The following TMEM163 variants were observed in gnomAD, a reference collection of about 807,000 sequenced individuals.
TMEM163 encodes the protein transmembrane protein 163.
TMEM163 carries 17 observed loss-of-function variants against 29.3 expected under a neutral mutation model. The ratio of observed to expected loss-of-function variants is 0.58; its 90% CI spans 0.40 to 0.87. The LOEUF is 0.87. TMEM163 is among the 40% of genes least tolerant of loss of function. TMEM163 has a pLI of 0.00. For missense variants in TMEM163, 303 were observed against 381.5 expected, an observed-to-expected ratio of 0.79 and a Z score of 1.71; for synonymous variants, 157 against 160.6, an observed-to-expected ratio of 0.98 and a Z score of 0.17.
intron 5 of TMEM163, among the ~76,000 whole-genome samples, chr2:134,470,624 C>T (rs899712450): frequency 2.0e-5 from 3 of 152,168 alleles, no homozygotes; most frequent in African/African-American, 4.8e-5. Context: ...GGCTGCAGCT[C>T]ACCACTGCTG....
At chr2:134,657,054 C>CT (rs949751592) in intron 2 of TMEM163, among the ~76,000 whole-genome samples, 29 of 150,828 alleles carry the variant, frequency 1.9e-4, no homozygotes, top group African/African-American at 6.7e-4. Context: ...CCTGTAAGAA[C>CT]TTTTTTTGTT....
intron 4 of TMEM163, among the ~76,000 whole-genome samples, chr2:134,528,685 G>A (rs1343065423): frequency 6.6e-6 from 1 of 152,206 alleles, no homozygotes; most frequent in Non-Finnish European, 1.5e-5. Context: ...TTTTAAAAAT[G>A]AAAACAGCCA....
intron 2 of TMEM163, among the ~76,000 whole-genome samples, chr2:134,552,346 T>C (rs1680948453): frequency 6.6e-6 from 1 of 152,206 alleles, no homozygotes; most frequent in African/African-American, 2.4e-5. Flanking sequence ...ATAAAATTGC[T>C]TCAACAGCTG....
At chr2:134,563,670 G>T (rs1157941113) in intron 2 of TMEM163, among the ~76,000 whole-genome samples, 1 of 152,188 alleles carries the variant, frequency 6.6e-6, no homozygotes, top group African/African-American at 2.4e-5. Context: ...TGGACTGGAA[G>T]CCTCACTGTG....
intron 2 of TMEM163, among the ~76,000 whole-genome samples, chr2:134,573,035 C>T (rs1445520504): frequency 6.6e-6 from 1 of 152,154 alleles, no homozygotes; most frequent in African/African-American, 2.4e-5. Context: ...CGAGGGATCT[C>T]CCACACCCTG....
At chr2:134,700,064 C>A (rs1040024552) in intron 2 of TMEM163, among the ~76,000 whole-genome samples, 8 of 152,100 alleles carry the variant, frequency 5.3e-5, no homozygotes, top group Non-Finnish European at 8.8e-5. Context: ...CTATCTCTGA[C>A]TTTTACCTGA....
intron 2 of TMEM163, among the ~76,000 whole-genome samples, chr2:134,684,452 G>C (rs1187551842): frequency 6.6e-6 from 1 of 152,032 alleles, no homozygotes; most frequent in East Asian, 1.9e-4. Context: ...AGGAGCTGAA[G>C]GTTTCTCCAA....
chr2:134,486,623 A>G (rs896056933), intron 5 of TMEM163, among the ~76,000 whole-genome samples: 9 of 152,370 alleles, frequency 5.9e-5, no homozygotes, highest in Middle Eastern at 3.4e-3. Context: ...TTGGATCTTC[A>G]AAAAGTAACA....
intron 2 of TMEM163, among the ~76,000 whole-genome samples, chr2:134,697,779 G>A (rs1684613833): frequency 2.0e-5 from 3 of 151,858 alleles, no homozygotes; most frequent in Admixed American, 2.0e-4. Flanking sequence ...TGGTGAGCAT[G>A]TTCATTTATT....
chr2:134,682,971 C>T (rs745736699), intron 2 of TMEM163, among the ~76,000 whole-genome samples: 2 of 152,176 alleles, frequency 1.3e-5, no homozygotes, highest in African/African-American at 2.4e-5. Context: ...GGAAAAGACA[C>T]GGAGGAACCG....
rs539249761 is a variant in TMEM163, at chr2:134,601,445, C to T, written c.323-49354G>A. On this transcript the variant is annotated intron_variant, in intron 2 of 7. Coordinates refer to ENST00000281924, the MANE Select transcript of TMEM163 (RefSeq NM_030923.5). ...TAAGAGCAGCAGGAGAAGGCAAGGCCGGAGCCCCGGAAGCCAGTGAGGTGG... is the reference window on the plus strand; with the variant it reads ...TAAGAGCAGCAGGAGAAGGCAAGGCTGGAGCCCCGGAAGCCAGTGAGGTGG... Among the ~76,000 whole-genome samples, 4 of 152,346 alleles carry T rather than the reference C, an allele frequency of 2.6e-5. No individual in the cohort carries two copies. The East Asian group carries it at 7.7e-4, about 29-fold the overall frequency.
At chr2:134,503,682 G>C (rs1558925483) in intron 4 of TMEM163, among the ~76,000 whole-genome samples, 1 of 152,284 alleles carries the variant, frequency 6.6e-6, no homozygotes, top group South Asian at 2.1e-4. Context: ...GAAATGAGGG[G>C]TAAGAAAGGA....
chr2:134,626,582 A>G (rs1367643623), intron 2 of TMEM163, among the ~76,000 whole-genome samples: 4 of 152,110 alleles, frequency 2.6e-5, no homozygotes, highest in East Asian at 1.9e-4. Flanking sequence ...CTCCATCTCA[A>G]TATCCTTAAC....
intron 4 of TMEM163, among the ~76,000 whole-genome samples, chr2:134,521,005 T>TTTC (rs1366497707): frequency 6.9e-6 from 1 of 145,932 alleles, no homozygotes; most frequent in East Asian, 2.1e-4. Flanking sequence ...CTTGGGAACT[T>TTTC]TTTTTTTTTT....
chr2:134,669,516 G>C (rs1352746270), intron 2 of TMEM163, among the ~76,000 whole-genome samples: 1 of 152,166 alleles, frequency 6.6e-6, no homozygotes, highest in Non-Finnish European at 1.5e-5. Context: ...CCCCATCCTG[G>C]GGCGCAGCAG....
chr2:134,542,080 T>G (rs1302265736), intron 4 of TMEM163, among the ~76,000 whole-genome samples: 4 of 152,216 alleles, frequency 2.6e-5, no homozygotes, highest in Non-Finnish European at 5.9e-5. Flanking sequence ...TATGCTGAAG[T>G]GTATGTCTGG....
chr2:134,456,719 C>G lies in TMEM163; in HGVS notation c.867G>C (p.Glu289Asp), dbSNP rs777239467. The G allele has an allele frequency of 6.2e-7, 1 of 1,613,982 alleles. No homozygotes were observed. The highest frequency in any genetic ancestry group is 2.2e-5 in the East Asian group (1 of 44,896). ...CTCATGCGGATGCTGGCCCCCTTCACTCAAACATCTCGTAGTGACGTGTCT... is the reference window on the plus strand; with the variant it reads ...CTCATGCGGATGCTGGCCCCCTTCAGTCAAACATCTCGTAGTGACGTGTCT... ...VRQTRHYEMFE is the reference protein window; with the variant it reads ...VRQTRHYEMFD The change falls in exon 8 of 8, where the codon GAG becomes GAC. Residue 289 changes from glutamate to aspartate, a missense_variant. Glu to Asp is a conservative substitution (Grantham distance 45). This residue lies in a region of TMEM163 where 203 missense variants were observed against 294.3 expected (regional missense o/e 0.69). Coordinates refer to ENST00000281924, the MANE Select transcript of TMEM163 (RefSeq NM_030923.5).
intron 2 of TMEM163, among the ~76,000 whole-genome samples, chr2:134,649,339 C>T (rs1323162885): frequency 1.3e-5 from 2 of 152,214 alleles, no homozygotes; most frequent in African/African-American, 4.8e-5. Context: ...CCCTCCATCC[C>T]TCCCATGTCC....
At chr2:134,709,653 C>G (rs1392374362) in intron 2 of TMEM163, among the ~76,000 whole-genome samples, 1 of 151,330 alleles carries the variant, frequency 6.6e-6, no homozygotes, top group Non-Finnish European at 1.5e-5. Flanking sequence ...TAAGGCTCCC[C>G]AGTCATCTGA....
Sources: gnomAD v4.1 joint callset for allele counts (sites outside exome capture counted in the v4.1 genomes callset) on GRCh38, gnomAD v4.1.1 for gene constraint, gnomAD v4.1.1 regional missense constraint, MANE v1.5 for transcripts, NCBI Gene and HGNC (gene_info 2026-07-23, HGNC 2026-07-21) for gene names.